COL25A1: variants seen among roughly 807,000 people sequenced by gnomAD.
The protein encoded by COL25A1 is collagen alpha-1(XXV) chain.
COL25A1 carries 103 observed loss-of-function variants against 128.4 expected under a neutral mutation model. That is an observed-to-expected ratio of 0.80 (90% CI 0.68 to 0.94). The LOEUF (loss-of-function observed/expected upper bound fraction) is 0.94, where lower values mean the gene tolerates loss of function less well. Among genes scored for constraint, COL25A1 ranks in the 40% least tolerant of loss-of-function variants. The pLI is 0.00. For synonymous variants in COL25A1, 279 were observed against 277.2 expected (o/e 1.01, Z -0.06); for missense variants, 745 against 840.0 (o/e 0.89, Z 1.40).
intron 3 of COL25A1, among the ~76,000 whole-genome samples, chr4:109,295,552 T>C (rs1171716813): frequency 2.0e-5 from 3 of 152,146 alleles, no homozygotes; most frequent in Non-Finnish European, 4.4e-5. Context: ...CTTGATGCAC[T>C]CTTTCCATAG....
chr4:109,207,804 A>G (rs1777134286), intron 3 of COL25A1, among the ~76,000 whole-genome samples: 1 of 152,218 alleles, frequency 6.6e-6, no homozygotes, highest in Non-Finnish European at 1.5e-5. Context: ...TTCAATTTAT[A>G]ATACACCAAA....
chr4:108,840,390 T>C (rs958871656), intron 31 of COL25A1, among the ~76,000 whole-genome samples: 4 of 152,094 alleles, frequency 2.6e-5, no homozygotes, highest in Admixed American at 1.3e-4. Flanking sequence ...GATAGTACTC[T>C]TACCCCAAAG....
chr4:108,815,071 C>G (rs1731126283), intron 37 of COL25A1, among the ~76,000 whole-genome samples: 1 of 152,182 alleles, frequency 6.6e-6, no homozygotes, highest in African/African-American at 2.4e-5. Context: ...TCCAAACCCT[C>G]ACTTATCTCT....
chr4:109,081,114 T>C lies in COL25A1; in HGVS notation c.368-30935A>G, dbSNP rs190180704. Among the ~76,000 whole-genome samples the C allele has an allele frequency of 7.0e-4, 106 of 152,284 alleles. 1 individual carries two copies. The highest frequency in any genetic ancestry group is 3.4e-3 in the Middle Eastern group (1 of 294). On this transcript the variant is annotated intron_variant, in intron 3 of 37. Transcript: ENST00000399132. ...ATTTCCCCCAAGATACCATCATAAT[T>C]TACTGTGCATCTCCTCTGCCTCACA...
In COL25A1 at chr4:108,823,575, T is replaced by C. The variant is rs569354980; in HGVS notation, c.1845+599A>G. On this transcript the variant is annotated intron_variant, in intron 35 of 37. Coordinates refer to ENST00000399132, the MANE Select transcript of COL25A1 (RefSeq NM_198721.4). ...CTCCTAAAGACCATGGAGCTGATGG[T>C]TCTGAGATAGAACTTCAACATCAAC... 2.6e-5 allele frequency among the ~76,000 whole-genome samples: 4 copies of C among 152,252 alleles called. No homozygotes were observed. In the South Asian group the frequency reaches 6.2e-4, roughly 24 times the overall value.
chr4:108,905,582 A>G (rs1743388396), intron 13 of COL25A1, among the ~76,000 whole-genome samples: 1 of 151,444 alleles, frequency 6.6e-6, no homozygotes, highest in Non-Finnish European at 1.5e-5. Context: ...CCTTTTTTCA[A>G]TGTGGTTAAC....
chr4:109,161,957 G>A (rs151193646), intron 3 of COL25A1, among the ~76,000 whole-genome samples: 2 of 152,306 alleles, frequency 1.3e-5, no homozygotes, highest in African/African-American at 4.8e-5. Flanking sequence ...TCATTCGGCA[G>A]CGCACTGAAC....
At chr4:109,219,133 C>T (rs1191668509) in intron 3 of COL25A1, among the ~76,000 whole-genome samples, 1 of 152,094 alleles carries the variant, frequency 6.6e-6, no homozygotes, top group Non-Finnish European at 1.5e-5. Flanking sequence ...ATTCTGCAAG[C>T]ATAAAAGCAA....
At chr4:109,024,627 A>G (rs754157299) in intron 5 of COL25A1, among the ~76,000 whole-genome samples, 2 of 152,154 alleles carry the variant, frequency 1.3e-5, no homozygotes, top group Non-Finnish European at 2.9e-5. Context: ...TCTAAATTTT[A>G]CTAGCCCCAT....
At chr4:109,013,212 C>T (rs1374570492) in intron 5 of COL25A1, among the ~76,000 whole-genome samples, 3 of 151,786 alleles carry the variant, frequency 2.0e-5, no homozygotes, top group African/African-American at 7.3e-5. Flanking sequence ...GTGTCTAGCT[C>T]AAGGTTTGTA....
At position 109,201,207 on chromosome 4, in the gene COL25A1, T is replaced by C. The variant is rs150928449; in HGVS notation, c.367+99376A>G. Reference sequence around the variant, plus strand: ...TGAAGAAGGCTATCTTTTCTGTTGGTATGCACTTGGTCCAGTAATTTATGA... The same window carrying C: ...TGAAGAAGGCTATCTTTTCTGTTGGCATGCACTTGGTCCAGTAATTTATGA... On this transcript the variant is annotated intron_variant, in intron 3 of 37. Transcript: ENST00000399132. Among the ~76,000 whole-genome samples, 58 of 152,302 alleles carry C rather than the reference T, an allele frequency of 3.8e-4. 2 individuals carry two copies. The East Asian group carries it at 9.8e-3, about 26-fold the overall frequency.
intron 26 of COL25A1, among the ~76,000 whole-genome samples, chr4:108,850,194 C>A (rs1325249735): frequency 6.6e-6 from 1 of 152,104 alleles, no homozygotes; most frequent in Non-Finnish European, 1.5e-5. Flanking sequence ...ATCCTTCACC[C>A]CTCAAATGGG....
At chr4:109,085,062 T>C (rs901802419) in intron 3 of COL25A1, among the ~76,000 whole-genome samples, 1 of 152,232 alleles carries the variant, frequency 6.6e-6, no homozygotes, top group African/African-American at 2.4e-5. Context: ...TTTTGGTTTC[T>C]GTGACACCAA....
At chr4:109,110,913 C>G (rs1766938738) in intron 3 of COL25A1, among the ~76,000 whole-genome samples, 1 of 152,202 alleles carries the variant, frequency 6.6e-6, no homozygotes, top group South Asian at 2.1e-4. Context: ...CCTACTCTGG[C>G]TCCATGATTC....
intron 3 of COL25A1, among the ~76,000 whole-genome samples, chr4:109,249,244 C>A (rs906682110): frequency 3.3e-5 from 5 of 152,106 alleles, no homozygotes; most frequent in African/African-American, 1.2e-4. Context: ...GATGAACATC[C>A]CACATTGTAA....
chr4:109,163,446 T>C (rs1772772181), intron 3 of COL25A1, among the ~76,000 whole-genome samples: 1 of 151,952 alleles, frequency 6.6e-6, no homozygotes, highest in South Asian at 2.1e-4. Context: ...ATATGCAAGG[T>C]GGGACATGAA....
chr4:109,231,148 T>C (rs1008488675), intron 3 of COL25A1, among the ~76,000 whole-genome samples: 1 of 151,490 alleles, frequency 6.6e-6, no homozygotes, highest in Non-Finnish European at 1.5e-5. Flanking sequence ...CTCAAAAAAA[T>C]AAAAAAATAA....
At chr4:109,091,294 C>T (rs745740122) in intron 3 of COL25A1, among the ~76,000 whole-genome samples, 1 of 152,166 alleles carries the variant, frequency 6.6e-6, no homozygotes, top group Non-Finnish European at 1.5e-5. Context: ...TTTGTGCTCA[C>T]GAATACCCTC....
intron 8 of COL25A1, among the ~76,000 whole-genome samples, chr4:108,964,297 G>T (rs1751062093): frequency 6.6e-6 from 1 of 151,650 alleles, no homozygotes; most frequent in Admixed American, 6.6e-5. Context: ...CTTTGGTTTT[G>T]ATTTTAATAT....
Sources: allele counts gnomAD v4.1 joint callset (sites outside exome capture counted in the v4.1 genomes callset), GRCh38; gene constraint gnomAD v4.1.1; transcripts MANE v1.5; gene names NCBI Gene and HGNC (gene_info 2026-07-23, HGNC 2026-07-21).